AMY2B: variants seen among roughly 807,000 people sequenced by gnomAD.
The protein encoded by AMY2B is amylase alpha 2B.
In AMY2B, 63 loss-of-function variants were observed where a neutral mutation model predicts 59.3. The ratio of observed to expected loss-of-function variants is 1.06; its 90% confidence interval spans 0.87 to 1.31. The LOEUF is 1.31. Among genes scored for constraint, AMY2B ranks in the 50% most tolerant of loss-of-function variants. The probability of loss-of-function intolerance (pLI) is 0.00; values close to 1 mark genes in which losing one functional copy is unlikely to be tolerated. For missense variants in AMY2B, 635 were observed against 626.7 expected (o/e 1.01, Z -0.14); for synonymous variants, 180 against 198.1 (o/e 0.91, Z 0.77).
chr1:103,564,382 C>G (rs1651837969), intron 1 of AMY2B, among the ~76,000 whole-genome samples: 1 of 152,090 alleles, frequency 6.6e-6, no homozygotes. Flanking sequence ...GTATCACTAT[C>G]TAGTCAGTCT....
intron 7 of AMY2B, chr1:103,575,765 CT>C (rs1433772291): frequency 1.0e-5 from 6 of 598,598 alleles, no homozygotes; most frequent in Admixed American, 7.9e-5. Context: ...AAACATCCCC[CT>C]AGCCCACAGG....
intron 1 of AMY2B, among the ~76,000 whole-genome samples, chr1:103,557,791 A>G (rs944992625): frequency 6.6e-6 from 1 of 152,192 alleles, no homozygotes; most frequent in Non-Finnish European, 1.5e-5. Context: ...TTCAAAGCTT[A>G]GAAAAAGGTA....
At chr1:103,572,337 A>G (rs1386340619) in intron 2 of AMY2B, 81 bp downstream of exon 2, 2 of 1,543,878 alleles carry the variant, frequency 1.3e-6, no homozygotes, top group Admixed American at 4.3e-5. Context: ...TTTTCAGCAG[A>G]AAGTTTTCCA....
At chr1:103,555,990 G>A (rs183535411) in intron 1 of AMY2B, among the ~76,000 whole-genome samples, 72 of 152,214 alleles carry the variant, frequency 4.7e-4, no homozygotes, top group Middle Eastern at 3.4e-3. Flanking sequence ...CATTAGTAAC[G>A]GTAGGATGAA....
upstream of AMY2B, chr1:103,571,025 A>T: frequency 5.3e-6 from 2 of 377,402 alleles, no homozygotes; most frequent in Non-Finnish European, 8.7e-6. Flanking sequence ...GCAGGGTATT[A>T]ATGTGTCAGG....
At chr1:103,575,139 C>T in intron 5 of AMY2B, 84 bp from the exon 6 acceptor site, 4 of 1,584,400 alleles carry the variant, frequency 2.5e-6, no homozygotes, top group Non-Finnish European at 2.6e-6. Flanking sequence ...GATGCCATGC[C>T]ATGCAGAAAG....
intron 7 of AMY2B, among the ~76,000 whole-genome samples, chr1:103,576,334 C>T (rs1011866196): frequency 1.3e-5 from 2 of 152,126 alleles, no homozygotes; most frequent in African/African-American, 4.8e-5. Flanking sequence ...TGTATAGCAA[C>T]TGATTCTATT....
intron 3 of AMY2B, 35 bp downstream of exon 3, chr1:103,573,295 G>A: frequency 1.2e-6 from 2 of 1,613,036 alleles, no homozygotes; most frequent in Non-Finnish European, 1.7e-6. Context: ...TGAATAAGGG[G>A]TGATATATGC....
At chr1:103,571,911 G>A (rs927638772) in intron 1 of AMY2B, 141 bp downstream of exon 1, 2 of 1,574,416 alleles carry the variant, frequency 1.3e-6, no homozygotes, top group South Asian at 2.4e-5. Context: ...AAAAAACAAT[G>A]TAGTATTCTT....
At chr1:103,573,340 T>A in intron 3 of AMY2B, 80 bp downstream of exon 3, 1 of 1,598,446 alleles carries the variant, frequency 6.3e-7, no homozygotes. Flanking sequence ...TTGAACTTCA[T>A]TTTAAATACG....
rs758463862 is a variant in AMY2B, at chr1:103,573,171, C to A, written c.424C>A (p.Pro142Thr). The A allele has an allele frequency of 1.2e-6, 2 of 1,613,738 alleles. No homozygotes were observed. Among genetic ancestry groups the A allele is most frequent in the Admixed American group, 1.7e-5 (1 of 59,996 alleles). The change falls in exon 3 of 10, where the codon CCA (proline) becomes ACA (threonine). Residue 142 changes from proline to threonine, a missense_variant. Transcript: ENST00000684275. ...CTTCAACCCTGGAAGTAGGGACTTT[C>A]CAGCAGTCCCATATTCTGGATGGGA... Reference protein sequence around the residue: ...SYFNPGSRDFPAVPYSGWDFN... With the variant: ...SYFNPGSRDFTAVPYSGWDFN...
chr1:103,577,559 A>T lies in AMY2B; in HGVS notation c.1171A>T (p.Thr391Ser), dbSNP rs1417938391. Residue 391 changes from threonine (T) to serine (S), a missense_variant, in exon 8 of 10, where the codon ACT (threonine) becomes TCT (serine). Coordinates refer to ENST00000684275, the MANE Select transcript of AMY2B (RefSeq NM_001387437.1). Reference sequence around the variant, plus strand: ...TAAAGAAGTTACTATTAATCCAGACACTACTTGTGGCAATGACTGGGTCTG... The same window carrying T: ...TAAAGAAGTTACTATTAATCCAGACTCTACTTGTGGCAATGACTGGGTCTG... ...VIKEVTINPD[T>S]TCGNDWVCEH... 1.9e-6 allele frequency: 3 copies of T among 1,612,002 alleles called. No homozygotes were observed. The highest frequency in any genetic ancestry group is 2.3e-4 in the Middle Eastern group (1 of 4,430).
chr1:103,577,033 A>C (rs1413831061), intron 7 of AMY2B, among the ~76,000 whole-genome samples: 1 of 152,186 alleles, frequency 6.6e-6, no homozygotes, highest in Non-Finnish European at 1.5e-5. Context: ...TGAGGAGTTC[A>C]AGACCTATCT....
At position 103,574,301 on chromosome 1, in the gene AMY2B, C is replaced by T. The variant is rs1425884322; in HGVS notation, c.786C>T (p.Tyr262=). The T allele has an allele frequency of 1.2e-6, 2 of 1,611,554 alleles. No individual in the cohort carries two copies. Among genetic ancestry groups the T allele is most frequent in the Non-Finnish European group, 1.7e-6 (2 of 1,179,706 alleles). ...LGGEPIKSSD[Y]FGNGRVTEFK... ...GTGAGCCAATTAAAAGCAGTGACTACTTTGGAAATGGCCGGGTGACAGAAT... is the reference window on the plus strand; with the variant it reads ...GTGAGCCAATTAAAAGCAGTGACTATTTTGGAAATGGCCGGGTGACAGAAT... The change falls in exon 5 of 10, where the codon TAC becomes TAT. Residue 262 remains tyrosine (Y), a synonymous_variant. Transcript: ENST00000684275.
chr1:103,566,354 A>G (rs2101066364), intron 2 of AMY2B, among the ~76,000 whole-genome samples: 1 of 152,282 alleles, frequency 6.6e-6, no homozygotes, highest in Middle Eastern at 3.4e-3. Context: ...TCTGTCTAAT[A>G]CAAATAGAAT....
At chr1:103,576,241 C>T (rs1484619699) in intron 7 of AMY2B, among the ~76,000 whole-genome samples, 1 of 152,152 alleles carries the variant, frequency 6.6e-6, no homozygotes, top group Non-Finnish European at 1.5e-5. Flanking sequence ...AGATCTAAAG[C>T]AGAAATTCCT....
chr1:103,573,559 T>C (rs1221189245), intron 3 of AMY2B, 149 bp from the exon 4 acceptor site: 2 of 1,275,666 alleles, frequency 1.6e-6, no homozygotes, highest in Non-Finnish European at 2.2e-6. Flanking sequence ...GATACATCTA[T>C]AGTAGAATGT....
rs1215154312 is a variant in AMY2B at position 103,574,385 on chromosome 1, T to C, written c.870T>C (p.Ser290=). ...GCAAGTGGAATGGAGAGAAGATGTC[T>C]TACCTAAAGTAAATAAATACAACTT... ...VIRKWNGEKM[S]YLKNWGEGWG... is the part of the protein sequence containing the mutation. The change falls in exon 5 of 10, where the codon TCT becomes TCC. Residue 290 remains serine, a synonymous_variant. Coordinates refer to ENST00000684275, the MANE Select transcript of AMY2B (RefSeq NM_001387437.1). 6.2e-7 allele frequency: 1 copy of C among 1,611,404 alleles called. No individual in the cohort carries two copies. The highest frequency in any genetic ancestry group is 1.7e-5 in the Admixed American group (1 of 59,990).
In AMY2B at chr1:103,571,619, T is replaced by G. The variant is rs1652132587; in HGVS notation, c.17T>G (p.Leu6Trp). ...CAAAGCAAAATGAAGTTCTTTCTGT[T>G]GCTTTTCACCATTGGGTTCTGCTGG... MKFFL[L>W]LFTIGFCWAQ... Residue 6 changes from leucine (L) to tryptophan (W), a missense_variant, in exon 1 of 10, where the codon TTG becomes TGG. Physicochemically the swap from Leu to Trp is moderately conservative, Grantham distance 61 (BLOSUM62 -2). Coordinates refer to ENST00000684275, the MANE Select transcript of AMY2B (RefSeq NM_001387437.1). 1 of 1,611,260 alleles carries G rather than the reference T, an allele frequency of 6.2e-7. No individual in the cohort carries two copies. Among genetic ancestry groups the G allele is most frequent in the Non-Finnish European group, 8.5e-7 (1 of 1,179,292 alleles).
Sources: gnomAD v4.1 joint callset for allele counts (sites outside exome capture counted in the v4.1 genomes callset) on GRCh38, gnomAD v4.1.1 for gene constraint, MANE v1.5 for transcripts, NCBI Gene and HGNC (gene_info 2026-07-23, HGNC 2026-07-21) for gene names.